Variants in GRB10 observed in about 807,000 individuals in gnomAD.
GRB10 encodes growth factor receptor-bound protein 10.
GRB10 carries 20 observed loss-of-function variants against 80.9 expected under a neutral mutation model. The ratio of observed to expected loss-of-function variants is 0.25; its 90% CI spans 0.17 to 0.36. The LOEUF (loss-of-function observed/expected upper bound fraction) is 0.36. GRB10 is among the 10% of genes least tolerant of loss of function. GRB10 has a pLI of 1.00. For synonymous variants in GRB10, 291 were observed against 291.5 expected (o/e 1.00, Z 0.02); for missense variants, 548 against 747.7 (o/e 0.73, Z 3.12).
chr7:50,790,774 T>G (rs2153717434), intron 1 of GRB10, among the ~76,000 whole-genome samples: 1 of 152,354 alleles, frequency 6.6e-6, no homozygotes, highest in Middle Eastern at 3.4e-3. Context: ...TTTTACCAGA[T>G]AAACCAATCA....
intron 2 of GRB10, among the ~76,000 whole-genome samples, chr7:50,763,069 G>C (rs1247797380): frequency 6.6e-6 from 1 of 150,750 alleles, no homozygotes; most frequent in African/African-American, 2.4e-5. Context: ...AGCGAGCCGA[G>C]ATCGTGCCAC....
chr7:50,659,509 G>A (rs1328650562), intron 7 of GRB10, among the ~76,000 whole-genome samples: 2 of 152,194 alleles, frequency 1.3e-5, no homozygotes, highest in Non-Finnish European at 2.9e-5. Context: ...GAGGACACCC[G>A]AACCTGCCAA....
At chr7:50,686,455 T>A (rs531180237) in intron 5 of GRB10, among the ~76,000 whole-genome samples, 1 of 152,308 alleles carries the variant, frequency 6.6e-6, no homozygotes, top group Non-Finnish European at 1.5e-5. Context: ...CCAAAATGAA[T>A]GCTTACTATT....
At chr7:50,749,126 TTTTG>T (rs760577552) in intron 3 of GRB10, among the ~76,000 whole-genome samples, 3 of 77,160 alleles carry the variant, frequency 3.9e-5, no homozygotes, top group Admixed American at 1.7e-4. Context: ...TGTTTTGTTT[TTTTG>T]TTTGTTTTTT....
intron 5 of GRB10, among the ~76,000 whole-genome samples, chr7:50,679,419 T>C (rs2061316866): frequency 6.6e-6 from 1 of 152,172 alleles, no homozygotes; most frequent in Non-Finnish European, 1.5e-5. Flanking sequence ...CTCACCACCT[T>C]CACCAATACA....
At chr7:50,752,249 A>G (rs534408602) in intron 3 of GRB10, among the ~76,000 whole-genome samples, 8 of 152,284 alleles carry the variant, frequency 5.3e-5, no homozygotes, top group African/African-American at 1.9e-4. Flanking sequence ...CAAAAATAGA[A>G]AAGGATAAAC....
chr7:50,682,716 A>G (rs1451234897), intron 5 of GRB10, among the ~76,000 whole-genome samples: 1 of 152,218 alleles, frequency 6.6e-6, no homozygotes, highest in East Asian at 1.9e-4. Context: ...TATTTGAATC[A>G]GAGAGGAAAG....
At chr7:50,750,307 G>C (rs984608532) in intron 3 of GRB10, among the ~76,000 whole-genome samples, 1 of 152,120 alleles carries the variant, frequency 6.6e-6, no homozygotes, top group South Asian at 2.1e-4. Flanking sequence ...CATCTTGGTC[G>C]ACTCTGCTCT....
chr7:50,729,786 G>C (rs2069326377), intron 4 of GRB10, among the ~76,000 whole-genome samples: 1 of 147,418 alleles, frequency 6.8e-6, no homozygotes, highest in African/African-American at 2.5e-5. Flanking sequence ...ATTTGCTTCA[G>C]AATTAGTATC....
At chr7:50,688,704 A>C (rs886712439) in intron 5 of GRB10, among the ~76,000 whole-genome samples, 2 of 146,396 alleles carry the variant, frequency 1.4e-5, no homozygotes, top group Non-Finnish European at 3.0e-5. Flanking sequence ...CAGACTGTTT[A>C]AAAAAAAAAA....
chr7:50,605,975 A>G (rs550967974), intron 14 of GRB10, among the ~76,000 whole-genome samples: 1 of 152,348 alleles, frequency 6.6e-6, no homozygotes, highest in South Asian at 2.1e-4. Flanking sequence ...CAGCGTTAAT[A>G]GTCAACAGTT....
At chr7:50,731,060 G>T (rs199613022) in intron 4 of GRB10, among the ~76,000 whole-genome samples, 1 of 152,106 alleles carries the variant, frequency 6.6e-6, no homozygotes, top group South Asian at 2.1e-4. Context: ...TTTAATCAAT[G>T]GGGGGAGGCA....
At chr7:50,706,722 A>C (rs1563528096) in intron 4 of GRB10, among the ~76,000 whole-genome samples, 1 of 152,264 alleles carries the variant, frequency 6.6e-6, no homozygotes, top group Non-Finnish European at 1.5e-5. Context: ...CAGCTAGACT[A>C]GATCCTGAGG....
chr7:50,691,794 T>C (rs1268884061), intron 5 of GRB10, among the ~76,000 whole-genome samples: 2 of 152,206 alleles, frequency 1.3e-5, no homozygotes, highest in Non-Finnish European at 2.9e-5. Flanking sequence ...AGGTATTTAG[T>C]GTCTGGGGTG....
In GRB10 at chr7:50,668,973, A is replaced by G. The variant is rs140402841; in HGVS notation, c.504+749T>C. Among the ~76,000 whole-genome samples, 333 of 152,356 alleles carry G rather than the reference A, an allele frequency of 2.2e-3. 1 individual carries two copies. Among genetic ancestry groups the G allele is most frequent in the African/African-American group, 7.6e-3 (316 of 41,586 alleles). Reference sequence around the variant, plus strand: ...AGGAGGTTATTGCCCTGCGGGTCCAATGGAAACTCTTCTGCTTTCGGCAGA... The same window carrying G: ...AGGAGGTTATTGCCCTGCGGGTCCAGTGGAAACTCTTCTGCTTTCGGCAGA... On this transcript the variant is annotated intron_variant, in intron 7 of 18. Transcript: ENST00000401949.
intron 2 of GRB10, among the ~76,000 whole-genome samples, chr7:50,775,657 G>A (rs2077553086): frequency 6.6e-6 from 1 of 152,214 alleles, no homozygotes; most frequent in African/African-American, 2.4e-5. Flanking sequence ...ATCCTAGCAG[G>A]GAGTCTCTGC....
chr7:50,626,977 T>C lies in GRB10; in HGVS notation c.506A>G (p.Asp169Gly). The change falls in exon 8 of 19, where the codon GAT becomes GGT. Residue 169 changes from aspartate to glycine, a missense_variant and splice_region_variant. Physicochemically the swap from Asp to Gly is moderately conservative, Grantham distance 94. Coordinates refer to ENST00000401949, the MANE Select transcript of GRB10 (RefSeq NM_001350814.2). ...LPPSQAAAKQ[D>G]VKVFSEDGTS... The stretch of plus-strand genomic sequence containing the variant: ...CCCATCTTCACTAAAGACTTTAACA[T>C]CCTGCAACACACAAAGGGGATAGTT... 2 of 1,614,044 alleles carry C rather than the reference T, an allele frequency of 1.2e-6. No individual in the cohort carries two copies. The highest frequency in any genetic ancestry group is 1.7e-6 in the Non-Finnish European group (2 of 1,179,968).
At chr7:50,735,930 A>G (rs1324339235) in intron 3 of GRB10, among the ~76,000 whole-genome samples, 2 of 152,216 alleles carry the variant, frequency 1.3e-5, no homozygotes, top group Non-Finnish European at 2.9e-5. Context: ...TTCTCAAGGG[A>G]CCTGAACAGC....
chr7:50,712,544 C>A lies in GRB10; in HGVS notation c.52-8636G>T, dbSNP rs553309344. Among the ~76,000 whole-genome samples, 6 of 152,342 alleles carry A rather than the reference C, an allele frequency of 3.9e-5. No homozygotes were observed. In the East Asian group the frequency reaches 7.7e-4, roughly 20 times the overall value. On this transcript the variant is annotated intron_variant, in intron 4 of 18. Coordinates refer to ENST00000401949, the MANE Select transcript of GRB10 (RefSeq NM_001350814.2). ...ACTTTTCTCCCAAATGGTAAGAATG[C>A]CTGGCCTGGCAGGGAAAATACCACC...
Sources: allele counts gnomAD v4.1 joint callset (sites outside exome capture counted in the v4.1 genomes callset), GRCh38; gene constraint gnomAD v4.1.1; transcripts MANE v1.5; gene names NCBI Gene and HGNC (gene_info 2026-07-23, HGNC 2026-07-21).